STOM: variants seen among roughly 807,000 people sequenced by gnomAD.
The protein encoded by STOM is erythrocyte band 7 integral membrane protein.
In STOM, 25 loss-of-function variants were observed where a neutral mutation model predicts 30.6. The ratio of observed to expected loss-of-function variants is 0.82; its 90% confidence interval spans 0.60 to 1.14. STOM has a LOEUF of 1.14. Ranked by LOEUF, STOM falls within the 50% of genes most tolerant of loss-of-function variation. The pLI, the probability that STOM is intolerant of heterozygous loss-of-function variation, is 0.00. For missense variants in STOM, 292 were observed against 365.2 expected, an observed-to-expected ratio of 0.80 and a Z score of 1.63; for synonymous variants, 118 against 130.8, an observed-to-expected ratio of 0.90 and a Z score of 0.67.
At chr9:121,356,310 TGTAA>T (rs1355107919) in intron 1 of STOM, among the ~76,000 whole-genome samples, 154 bp from the exon 2 acceptor site, 1 of 152,240 alleles carries the variant, frequency 6.6e-6, no homozygotes, top group Non-Finnish European at 1.5e-5. Flanking sequence ...AGCCCTGAAG[TGTAA>T]GTACTACTTT....
chr9:121,347,291 A>G (rs754525787), intron 6 of STOM, among the ~76,000 whole-genome samples: 10 of 152,186 alleles, frequency 6.6e-5, no homozygotes, highest in Non-Finnish European at 1.2e-4. Flanking sequence ...GGGTTTGGTG[A>G]GATATCCCTG....
At chr9:121,342,605 CCTGA>C (rs1248038950) in intron 6 of STOM, among the ~76,000 whole-genome samples, 1 of 152,072 alleles carries the variant, frequency 6.6e-6, no homozygotes, top group Non-Finnish European at 1.5e-5. Context: ...ATAAAAAGCT[CCTGA>C]CTGTTAAGAG....
In STOM at chr9:121,348,130, G is replaced by C; in HGVS notation, c.545C>G (p.Thr182Ser). 6.2e-7 allele frequency: 1 copy of C among 1,614,198 alleles called. No homozygotes were observed. Among genetic ancestry groups the C allele is most frequent in the Non-Finnish European group, 8.5e-7 (1 of 1,180,026 alleles). ...CTCCACCTTTATTCCCCAGGCATCAGTGGCATCATCCAGAGTAGACTGTTA... is the reference window on the plus strand; with the variant it reads ...CTCCACCTTTATTCCCCAGGCATCACTGGCATCATCCAGAGTAGACTGTTA... ...HNMQSTLDDA[T>S]DAWGIKVERV... The change falls in exon 6 of 7, where the codon ACT becomes AGT. Residue 182 changes from threonine (T) to serine (S), a missense_variant. Transcript: ENST00000286713.
At chr9:121,349,774 A>C (rs184787152) in intron 4 of STOM, among the ~76,000 whole-genome samples, 39 of 152,344 alleles carry the variant, frequency 2.6e-4, no homozygotes, top group African/African-American at 8.7e-4. Flanking sequence ...AAGTTCCACA[A>C]TATTACTGGA....
chr9:121,354,114 G>T (rs1218079479), intron 3 of STOM, among the ~76,000 whole-genome samples: 1 of 152,200 alleles, frequency 6.6e-6, no homozygotes, highest in Non-Finnish European at 1.5e-5. Context: ...CTTAATTGAA[G>T]TTTGCCAAAT....
Sources: allele counts gnomAD v4.1 joint callset (sites outside exome capture counted in the v4.1 genomes callset), GRCh38; gene constraint gnomAD v4.1.1; transcripts MANE v1.5; gene names NCBI Gene and HGNC (gene_info 2026-07-23, HGNC 2026-07-21).